VWC2: variants seen among roughly 807,000 people sequenced by gnomAD.
VWC2 encodes von Willebrand factor C domain containing 2, also known as brorin.
A neutral mutation model predicts 29.8 loss-of-function variants in VWC2; 14 were observed. That is an observed-to-expected ratio of 0.47 (90% CI 0.31 to 0.74). The LOEUF (loss-of-function observed/expected upper bound fraction) is 0.74, where lower values mean the gene tolerates loss of function less well. Among genes scored for constraint, VWC2 ranks in the 30% least tolerant of loss-of-function variants. The probability of loss-of-function intolerance (pLI) is 0.05; values close to 1 mark genes in which losing one functional copy is unlikely to be tolerated. For missense variants in VWC2, 457 were observed against 459.8 expected (o/e 0.99, Z 0.05); for synonymous variants, 213 against 199.0 (o/e 1.07, Z -0.59).
At chr7:49,900,377 G>T (rs1395306849) in intron 3 of VWC2, among the ~76,000 whole-genome samples, 1 of 151,610 alleles carries the variant, frequency 6.6e-6, no homozygotes, top group East Asian at 1.9e-4. Context: ...TAAAACAAAA[G>T]CTTGTTTATT....
intron 3 of VWC2, among the ~76,000 whole-genome samples, chr7:49,811,875 T>A (rs1489209863): frequency 6.6e-6 from 1 of 152,216 alleles, no homozygotes; most frequent in Non-Finnish European, 1.5e-5. Context: ...TCCTAGCAGA[T>A]TATTATTATT....
rs746180710 is a variant in VWC2, at chr7:49,802,855, C to T, written c.826+15C>T. 4.3e-6 allele frequency: 7 copies of T among 1,613,840 alleles called. No individual in the cohort carries two copies. Among genetic ancestry groups the T allele is most frequent in the East Asian group, 4.5e-5 (2 of 44,868 alleles). Reference sequence around the variant, plus strand: ...CTGCAAAAATGGTATGTGAGATCCCCGTTGGTGACGGGGTGCACCTCCCAC... The same window carrying T: ...CTGCAAAAATGGTATGTGAGATCCCTGTTGGTGACGGGGTGCACCTCCCAC... On this transcript the variant is annotated intron_variant, in intron 3 of 3. Transcript: ENST00000340652.
Position 49,858,930 on chromosome 7 carries a change from A to G in VWC2, c.827-53104A>G, listed in dbSNP as rs573122904. On this transcript the variant is annotated intron_variant, in intron 3 of 3. Coordinates refer to ENST00000340652, the MANE Select transcript of VWC2 (RefSeq NM_198570.5). ...ATCCACATTGACAAAGGTTGAAGGTATATTTATTTCATGGCCCCACAGAGT... is the reference window on the plus strand; with the variant it reads ...ATCCACATTGACAAAGGTTGAAGGTGTATTTATTTCATGGCCCCACAGAGT... Among the ~76,000 whole-genome samples the G allele has an allele frequency of 3.9e-5, 6 of 152,330 alleles. No individual in the cohort carries two copies. The East Asian group carries it at 1.2e-3, about 29-fold the overall frequency.
At chr7:49,794,012 A>G (rs982350352) in intron 2 of VWC2, among the ~76,000 whole-genome samples, 1 of 152,194 alleles carries the variant, frequency 6.6e-6, no homozygotes, top group Non-Finnish European at 1.5e-5. Context: ...GCCAACACCA[A>G]AGAGCTAATC....
intron 3 of VWC2, among the ~76,000 whole-genome samples, chr7:49,900,680 A>G (rs1792675239): frequency 6.6e-6 from 1 of 151,852 alleles, no homozygotes; most frequent in South Asian, 2.1e-4. Flanking sequence ...CTTCCAAAAC[A>G]GGAAGCACCG....
At chr7:49,783,481 G>A (rs1455764070) in intron 2 of VWC2, among the ~76,000 whole-genome samples, 1 of 152,134 alleles carries the variant, frequency 6.6e-6, no homozygotes, top group African/African-American at 2.4e-5. Flanking sequence ...TGAAGGATAT[G>A]GCTTCCCACC....
intron 3 of VWC2, among the ~76,000 whole-genome samples, chr7:49,856,129 A>T (rs990436024): frequency 3.3e-5 from 5 of 152,168 alleles, no homozygotes; most frequent in African/African-American, 1.2e-4. Flanking sequence ...ACACGTAAAG[A>T]CAGGTGATAA....
rs146311882 is a variant in VWC2, at chr7:49,781,647, A to G, written c.696+5516A>G. On this transcript the variant is annotated intron_variant, in intron 2 of 3. Coordinates refer to ENST00000340652, the MANE Select transcript of VWC2 (RefSeq NM_198570.5). ...TCGTGCATAGTGTCTTCGTGACCATATGGTGATGAAGTGGCATTTTGCGTG... is the reference window on the plus strand; with the variant it reads ...TCGTGCATAGTGTCTTCGTGACCATGTGGTGATGAAGTGGCATTTTGCGTG... Among the ~76,000 whole-genome samples, 6 of 152,290 alleles carry G rather than the reference A, an allele frequency of 3.9e-5. No individual in the cohort carries two copies. The East Asian group carries it at 9.6e-4, about 24-fold the overall frequency.
At chr7:49,873,106 C>T (rs958093422) in intron 3 of VWC2, among the ~76,000 whole-genome samples, 6 of 151,954 alleles carry the variant, frequency 3.9e-5, no homozygotes, top group East Asian at 1.9e-4. Context: ...ACAATACAAA[C>T]GAAAGCAAAT....
intron 2 of VWC2, among the ~76,000 whole-genome samples, chr7:49,789,120 AGTG>A (rs893773798): frequency 6.7e-5 from 8 of 119,232 alleles, no homozygotes; most frequent in Non-Finnish European, 1.2e-4. Context: ...GAGAGAGTGT[AGTG>A]TGTGTGTGAA....
intron 3 of VWC2, among the ~76,000 whole-genome samples, chr7:49,906,349 T>G (rs1793088803): frequency 6.6e-6 from 1 of 152,180 alleles, no homozygotes; most frequent in Non-Finnish European, 1.5e-5. Context: ...TTCTCTTTTT[T>G]TTTGAGACAG....
At chr7:49,798,579 A>G (rs1425889) in intron 2 of VWC2, among the ~76,000 whole-genome samples, 16,375 of 152,142 alleles carry the variant, frequency 0.11, 943 homozygotes, top group African/African-American at 0.12. Context: ...ATCCTGGGGC[A>G]CCAAACAGAG....
intron 3 of VWC2, among the ~76,000 whole-genome samples, chr7:49,841,309 CT>C (rs11294642): frequency 0.52 from 75,307 of 145,682 alleles, 19,094 homozygotes; most frequent in East Asian, 0.72. Flanking sequence ...TTACACATTA[CT>C]TTTTTTTTTT....
chr7:49,874,604 A>G (rs1467674396), intron 3 of VWC2, among the ~76,000 whole-genome samples: 1 of 152,162 alleles, frequency 6.6e-6, no homozygotes, highest in Non-Finnish European at 1.5e-5. Context: ...AAAGAGAGAA[A>G]TATAGCTGTT....
At chr7:49,826,854 T>C (rs1036341943) in intron 3 of VWC2, among the ~76,000 whole-genome samples, 2 of 152,124 alleles carry the variant, frequency 1.3e-5, no homozygotes, top group African/African-American at 4.8e-5. Flanking sequence ...GTGGACTATA[T>C]AAATATACTT....
At chr7:49,812,065 A>G (rs1789023800) in intron 3 of VWC2, among the ~76,000 whole-genome samples, 2 of 152,218 alleles carry the variant, frequency 1.3e-5, no homozygotes, top group Admixed American at 1.3e-4. Context: ...AAAAGATTAC[A>G]TATTTTATGC....
chr7:49,911,676 C>A (rs1431024121), intron 3 of VWC2, among the ~76,000 whole-genome samples: 1 of 151,708 alleles, frequency 6.6e-6, no homozygotes, highest in Admixed American at 6.6e-5. Flanking sequence ...GTGGGTGGAT[C>A]ACTTGAAGTC....
At chr7:49,911,388 A>T (rs1319514961) in intron 3 of VWC2, among the ~76,000 whole-genome samples, 2 of 146,822 alleles carry the variant, frequency 1.4e-5, no homozygotes, top group Non-Finnish European at 3.0e-5. Flanking sequence ...AGGCTGCGGC[A>T]GGAGAATCGC....
chr7:49,814,119 G>A (rs1307696964), intron 3 of VWC2, among the ~76,000 whole-genome samples: 1 of 152,110 alleles, frequency 6.6e-6, no homozygotes, highest in Non-Finnish European at 1.5e-5. Context: ...CTTGCATTTT[G>A]ATTTTGTGGG....
Sources: allele counts gnomAD v4.1 joint callset (sites outside exome capture counted in the v4.1 genomes callset), GRCh38; gene constraint gnomAD v4.1.1; transcripts MANE v1.5; gene names NCBI Gene and HGNC (gene_info 2026-07-23, HGNC 2026-07-21).